Variants in SIRPG observed in about 807,000 individuals in gnomAD.
The protein encoded by SIRPG is signal-regulatory protein gamma.
Under a neutral mutation model 35.7 loss-of-function variants are expected in SIRPG, and 38 were observed. That is an observed-to-expected ratio of 1.06 (90% CI 0.82 to 1.40). SIRPG has a LOEUF of 1.40. Ranked by LOEUF, SIRPG falls within the 40% of genes most tolerant of loss-of-function variation. The pLI is 0.00. For synonymous variants in SIRPG, 215 were observed against 190.4 expected (o/e 1.13, Z -1.06); for missense variants, 519 against 483.0 (o/e 1.07, Z -0.70).
chr20:1,668,081 A>C, the SIRPG span, among the ~76,000 whole-genome samples: 1 of 152,074 alleles, frequency 6.6e-6, no homozygotes, highest in Non-Finnish European at 1.5e-5. Context: ...TACTTCTGAA[A>C]ATATATCTTG....
chr20:1,649,582 G>T (rs73080784), intron 1 of SIRPG, among the ~76,000 whole-genome samples, 174 bp from the exon 2 acceptor site: 5,041 of 147,844 alleles, frequency 0.034, 128 homozygotes, highest in Middle Eastern at 0.062. Context: ...TATAACATAA[G>T]ACTGTATTAC....
chr20:1,631,186 A>C (rs2091747154), intron 4 of SIRPG, among the ~76,000 whole-genome samples: 1 of 152,190 alleles, frequency 6.6e-6, no homozygotes, highest in Admixed American at 6.5e-5. Context: ...TAAATAAATA[A>C]AATGGTGCTG....
At chr20:1,647,332 G>A (rs1303694529) in intron 2 of SIRPG, 2 of 152,306 alleles carry the variant, frequency 1.3e-5, no homozygotes, top group Non-Finnish European at 2.9e-5. Flanking sequence ...GCATATCTGA[G>A]TCACACCTGA....
intron 3 of SIRPG, among the ~76,000 whole-genome samples, 182 bp downstream of exon 3, chr20:1,636,006 G>C (rs1325370112): frequency 6.6e-6 from 1 of 152,192 alleles, no homozygotes. Context: ...GTGATTGCTG[G>C]TCCCCTGACC....
chr20:1,682,612 G>A, the SIRPG span, among the ~76,000 whole-genome samples: 3 of 152,146 alleles, frequency 2.0e-5, no homozygotes, highest in African/African-American at 7.2e-5. Context: ...ACACACAATA[G>A]GGAAAAGTCA....
intron 2 of SIRPG, 54 bp from the exon 3 acceptor site, chr20:1,636,559 C>T (rs1026842686): frequency 4.3e-5 from 67 of 1,567,958 alleles, no homozygotes; most frequent in African/African-American, 1.3e-4. Context: ...CAATCACTAA[C>T]GATGAGTGTG....
At chr20:1,636,532 A>T in intron 2 of SIRPG, 27 bp from the exon 3 acceptor site, 1 of 1,610,742 alleles carries the variant, frequency 6.2e-7, no homozygotes. Flanking sequence ...GATAAACAGG[A>T]GACATGACTG....
At chr20:1,634,368 G>A (rs1031043385) in intron 4 of SIRPG, among the ~76,000 whole-genome samples, 2 of 151,682 alleles carry the variant, frequency 1.3e-5, no homozygotes, top group African/African-American at 4.9e-5. Context: ...CACCACGCCC[G>A]GCTCATTTTT....
At chr20:1,665,193 G>C in the SIRPG span, 1 of 154,744 alleles carries the variant, frequency 6.5e-6, no homozygotes, top group Non-Finnish European at 1.5e-5. Flanking sequence ...CACTGAGCCT[G>C]ATGTTGCATG....
At chr20:1,643,895 A>T (rs978648583) in intron 2 of SIRPG, among the ~76,000 whole-genome samples, 3 of 152,076 alleles carry the variant, frequency 2.0e-5, no homozygotes, top group African/African-American at 7.2e-5. Flanking sequence ...CCACACCTGG[A>T]CATGTCACTT....
chr20:1,646,157 T>G (rs1296019415), intron 2 of SIRPG: 2 of 152,210 alleles, frequency 1.3e-5, no homozygotes, highest in Non-Finnish European at 2.9e-5. Flanking sequence ...AGCATTCATG[T>G]CCATTAACAG....
intron 2 of SIRPG, among the ~76,000 whole-genome samples, chr20:1,645,485 C>A (rs1291059059): frequency 1.3e-5 from 2 of 152,186 alleles, no homozygotes; most frequent in Non-Finnish European, 2.9e-5. Flanking sequence ...ACCCCAAACC[C>A]TATGTATCCT....
At chr20:1,642,545 A>G (rs2091861633) in intron 2 of SIRPG, among the ~76,000 whole-genome samples, 1 of 152,162 alleles carries the variant, frequency 6.6e-6, no homozygotes, top group Admixed American at 6.5e-5. Context: ...ATGTCTTTTA[A>G]TCGGGGGATT....
the SIRPG span, among the ~76,000 whole-genome samples, chr20:1,663,436 C>T: frequency 3.9e-5 from 6 of 152,162 alleles, no homozygotes; most frequent in African/African-American, 7.2e-5. Context: ...GTGAGAAGCA[C>T]GCAGGTTATA....
chr20:1,653,892 C>G (rs552754113), intron 1 of SIRPG, among the ~76,000 whole-genome samples: 1 of 152,312 alleles, frequency 6.6e-6, no homozygotes, highest in South Asian at 2.1e-4. Flanking sequence ...GATGGTATAA[C>G]ATTCATAAAT....
In SIRPG at chr20:1,635,504, G is replaced by C; in HGVS notation, c.844C>G (p.Gln282Glu). The C allele has an allele frequency of 1.2e-6, 2 of 1,614,130 alleles. No homozygotes were observed. The highest frequency in any genetic ancestry group is 1.7e-6 in the Non-Finnish European group (2 of 1,179,996). Reference protein sequence around the residue: ...QVRKFYPQSLQLTWSENGNVC... With the variant: ...QVRKFYPQSLELTWSENGNVC... The stretch of plus-strand genomic sequence containing the variant: ...TTTCCATTCTCCGACCAGGTCAGCT[G>C]TAGGCTCTGGGGGTAGAACTTCCTC... Residue 282 changes from glutamine to glutamate, a missense_variant, in exon 4 of 6, where the codon CAG (glutamine) becomes GAG (glutamate). Transcript: ENST00000303415.
the SIRPG span, among the ~76,000 whole-genome samples, chr20:1,663,084 C>T: frequency 2.1e-4 from 32 of 151,932 alleles, no homozygotes; most frequent in Non-Finnish European, 4.3e-4. Context: ...GAGGCCAAAG[C>T]GGGCGGATCA....
intron 2 of SIRPG, among the ~76,000 whole-genome samples, chr20:1,644,605 CA>C (rs58602768): frequency 0.14 from 20,951 of 152,264 alleles, 1,621 homozygotes; most frequent in Non-Finnish European, 0.16. Context: ...GGGAGCTCAG[CA>C]GCCTTAAGGA....
the SIRPG span, among the ~76,000 whole-genome samples, chr20:1,680,790 T>G: frequency 6.6e-6 from 1 of 152,166 alleles, no homozygotes; most frequent in African/African-American, 2.4e-5. Context: ...AAGGAATATA[T>G]GAAAACATTC....
Sources: allele counts gnomAD v4.1 joint callset (sites outside exome capture counted in the v4.1 genomes callset), GRCh38; gene constraint gnomAD v4.1.1; transcripts MANE v1.5; gene names NCBI Gene and HGNC (gene_info 2026-07-23, HGNC 2026-07-21).